TRPM3: variants seen among roughly 807,000 people sequenced by gnomAD.
TRPM3 encodes long transient receptor potential channel 3.
Under a neutral mutation model 181.2 loss-of-function variants are expected in TRPM3, and 77 were observed. The ratio of observed to expected loss-of-function variants is 0.42; its 90% confidence interval spans 0.35 to 0.51. The LOEUF (loss-of-function observed/expected upper bound fraction) is 0.51. TRPM3 is among the 20% of genes least tolerant of loss of function. TRPM3 has a pLI of 0.01. For synonymous variants in TRPM3, 745 were observed against 796.4 expected (o/e 0.94, Z 1.09); for missense variants, 1,759 against 2,196.7 (o/e 0.80, Z 3.98).
chr9:71,432,867 T>C (rs963159393), intron 1 of TRPM3, among the ~76,000 whole-genome samples: 2 of 152,194 alleles, frequency 1.3e-5, no homozygotes, highest in Non-Finnish European at 2.9e-5. Flanking sequence ...CTTGAAGGGC[T>C]TCTTTTATTA....
At chr9:71,388,194 T>A (rs1013625331) in intron 1 of TRPM3, among the ~76,000 whole-genome samples, 1 of 152,172 alleles carries the variant, frequency 6.6e-6, no homozygotes, top group Admixed American at 6.6e-5. Context: ...CCTTGAAGCT[T>A]GACTTTCATG....
chr9:70,957,230 T>A (rs1590067443), intron 1 of TRPM3, among the ~76,000 whole-genome samples: 1 of 152,020 alleles, frequency 6.6e-6, no homozygotes, highest in Admixed American at 6.5e-5. Flanking sequence ...TCCCAAAGTG[T>A]TGGGATTACA....
chr9:71,324,044 CTT>C (rs112142976), intron 1 of TRPM3, among the ~76,000 whole-genome samples: 1 of 152,078 alleles, frequency 6.6e-6, no homozygotes, highest in African/African-American at 2.4e-5. Context: ...TCCCAATGCT[CTT>C]TGTCATGCAC....
At chr9:71,312,887 T>C (rs533541327) in intron 1 of TRPM3, among the ~76,000 whole-genome samples, 1 of 152,030 alleles carries the variant, frequency 6.6e-6, no homozygotes, top group East Asian at 1.9e-4. Context: ...TGGTCAGGGA[T>C]TAGAGGGAAG....
At chr9:71,269,019 T>A (rs2083589713) in intron 1 of TRPM3, among the ~76,000 whole-genome samples, 1 of 152,050 alleles carries the variant, frequency 6.6e-6, no homozygotes, top group African/African-American at 2.4e-5. Flanking sequence ...TACTTAAGGA[T>A]GAATGAAAGC....
chr9:71,301,781 A>T (rs1404902227), intron 1 of TRPM3, among the ~76,000 whole-genome samples: 1 of 152,116 alleles, frequency 6.6e-6, no homozygotes, highest in Non-Finnish European at 1.5e-5. Context: ...TATTATTATT[A>T]TTATAAGAAC....
chr9:70,749,050 G>A (rs571245212), intron 8 of TRPM3, among the ~76,000 whole-genome samples: 1 of 151,884 alleles, frequency 6.6e-6, no homozygotes, highest in South Asian at 2.1e-4. Context: ...TTTTTTTGTG[G>A]AGATAGGGTT....
intron 21 of TRPM3, among the ~76,000 whole-genome samples, chr9:70,594,443 G>A (rs1213767866): frequency 6.6e-6 from 1 of 152,148 alleles, no homozygotes; most frequent in African/African-American, 2.4e-5. Flanking sequence ...GTATGATGAT[G>A]ACATGTCTGA....
intron 1 of TRPM3, among the ~76,000 whole-genome samples, chr9:71,296,878 C>T (rs1359543801): frequency 1.3e-5 from 2 of 151,798 alleles, no homozygotes; most frequent in South Asian, 2.1e-4. Context: ...TGGGCATCTA[C>T]TACTGCTGAA....
At chr9:70,841,036 A>G (rs1249690085) in intron 5 of TRPM3, among the ~76,000 whole-genome samples, 1 of 152,202 alleles carries the variant, frequency 6.6e-6, no homozygotes, top group African/African-American at 2.4e-5. Context: ...TAATTTATGT[A>G]TTAATATGCA....
chr9:71,356,838 G>C (rs1424121160), intron 1 of TRPM3, among the ~76,000 whole-genome samples: 3 of 152,060 alleles, frequency 2.0e-5, no homozygotes, highest in Non-Finnish European at 2.9e-5. Context: ...TGAGAGAGCA[G>C]GGACCATGAC....
At chr9:70,804,484 A>T (rs1397145108) in intron 6 of TRPM3, among the ~76,000 whole-genome samples, 1 of 152,102 alleles carries the variant, frequency 6.6e-6, no homozygotes, top group African/African-American at 2.4e-5. Context: ...TCTTTCTCTC[A>T]TTAATTTCTT....
chr9:70,673,780 AT>A (rs2063434369), intron 9 of TRPM3, among the ~76,000 whole-genome samples: 3 of 152,096 alleles, frequency 2.0e-5, no homozygotes, highest in South Asian at 2.1e-4. Context: ...TACAAAAAAA[AT>A]AAAAAATAAA....
At chr9:71,148,285 A>T (rs1587651802) in intron 1 of TRPM3, among the ~76,000 whole-genome samples, 2 of 152,292 alleles carry the variant, frequency 1.3e-5, no homozygotes, top group South Asian at 4.1e-4. Context: ...TAGTTCTCTA[A>T]TTACTAGAAG....
At chr9:70,633,213 T>C (rs2066220551) in intron 12 of TRPM3, among the ~76,000 whole-genome samples, 1 of 152,178 alleles carries the variant, frequency 6.6e-6, no homozygotes. Flanking sequence ...TCCAAGTCAT[T>C]ACTTTAGAAA....
At chr9:70,614,446 T>C (rs2062463335) in intron 18 of TRPM3, among the ~76,000 whole-genome samples, 2 of 152,044 alleles carry the variant, frequency 1.3e-5, no homozygotes, top group Non-Finnish European at 2.9e-5. Flanking sequence ...CAATGAGCTA[T>C]AATCACACCA....
At chr9:71,000,210 C>G (rs939403080) in intron 1 of TRPM3, among the ~76,000 whole-genome samples, 1 of 152,204 alleles carries the variant, frequency 6.6e-6, no homozygotes, top group Non-Finnish European at 1.5e-5. Flanking sequence ...AAGACACATT[C>G]ATCGGTTTTG....
chr9:71,260,878 C>A (rs561528033), intron 1 of TRPM3, among the ~76,000 whole-genome samples: 96 of 152,288 alleles, frequency 6.3e-4, no homozygotes, highest in Admixed American at 1.8e-3. Context: ...TTATCTCTTT[C>A]TCTTGCCTGA....
At chr9:71,287,000 A>ATACT (rs2085348024) in intron 1 of TRPM3, among the ~76,000 whole-genome samples, 1 of 141,174 alleles carries the variant, frequency 7.1e-6, no homozygotes, top group South Asian at 2.1e-4. Flanking sequence ...TATATTATAT[A>ATACT]ATATACAACA....
Sources: allele counts gnomAD v4.1 joint callset (sites outside exome capture counted in the v4.1 genomes callset), GRCh38; gene constraint gnomAD v4.1.1; transcripts MANE v1.5; gene names NCBI Gene and HGNC (gene_info 2026-07-23, HGNC 2026-07-21).